The following SIM2 variants were observed in gnomAD, a reference collection of about 807,000 sequenced individuals.
SIM2 encodes the protein SIM bHLH transcription factor 2, also known as single-minded homolog 2.
Under a neutral mutation model 64.8 loss-of-function variants are expected in SIM2, and 28 were observed. The observed-to-expected ratio is 0.43, with a 90% confidence interval of 0.32 to 0.59. SIM2 has a LOEUF of 0.59. Among genes scored for constraint, SIM2 ranks in the 20% least tolerant of loss-of-function variants. SIM2 has a pLI of 0.07. For synonymous variants in SIM2, 408 were observed against 391.1 expected, an observed-to-expected ratio of 1.04 and a Z score of -0.51; for missense variants, 847 against 871.4, an observed-to-expected ratio of 0.97 and a Z score of 0.35.
At position 36,745,596 on chromosome 21, in the gene SIM2, T is replaced by C. The variant is rs886528511; in HGVS notation, c.1576+460T>C. On this transcript the variant is annotated intron_variant, in intron 10 of 10. Coordinates refer to ENST00000290399, the MANE Select transcript of SIM2 (RefSeq NM_005069.6). The surrounding 1 kb of genome is among the most constrained non-coding windows in gnomAD (Gnocchi z 4.8). ...AAGTGGGGAAAACTATGGTGGAAAT[T>C]TGTGGGCTTGGGGACAGAAATGCCA... is the stretch of plus-strand genomic sequence containing the variant. 3 of 1,120,066 alleles carry C rather than the reference T, an allele frequency of 2.7e-6. No individual in the cohort carries two copies. The highest frequency in any genetic ancestry group is 3.2e-5 in the African/African-American group (2 of 61,632). 69.4% of individuals were successfully genotyped at this position (1,120,066 alleles called of 1,614,324 possible).
chr21:36,746,717 G>T (rs747782797), intron 10 of SIM2, among the ~76,000 whole-genome samples: 1 of 152,108 alleles, frequency 6.6e-6, no homozygotes, highest in African/African-American at 2.4e-5. Context: ...TGAACATCTT[G>T]GGCCCCTCAT....
intron 1 of SIM2, among the ~76,000 whole-genome samples, chr21:36,705,688 C>T (rs138825897): frequency 3.9e-4 from 59 of 152,334 alleles, no homozygotes; most frequent in African/African-American, 1.4e-3. Context: ...AGGTGAGACC[C>T]CTGCACCCAG....
rs2089208230 is a variant in SIM2, at chr21:36,744,808, T to C, written c.1248T>C (p.Ala416=). 2 of 1,614,144 alleles carry C rather than the reference T, an allele frequency of 1.2e-6. No homozygotes were observed. Among genetic ancestry groups the C allele is most frequent in the Non-Finnish European group, 1.7e-6 (2 of 1,180,014 alleles). The change falls in exon 10 of 11, where the codon GCT becomes GCC. Residue 416 remains alanine (A), a synonymous_variant. Transcript: ENST00000290399. ...GAGCCAGTCCCCCTGCAAGCGCTGC[T>C]GCTCCTCCAGAACTGCAGCCCCACT... ...NWRASPPASA[A]APPELQPHSE... is the part of the protein sequence containing the mutation.
chr21:36,739,828 T>C lies in SIM2; in HGVS notation c.851-1889T>C, dbSNP rs113304508. On this transcript the variant is annotated intron_variant, in intron 7 of 10. Transcript: ENST00000290399. ...GGCAAGGTAGGCGGACCACTTGAGG[T>C]CAGGAGTTTGAGACCAGCCTGGCCA... is the stretch of plus-strand genomic sequence containing the variant. Among the ~76,000 whole-genome samples the C allele has an allele frequency of 8.4e-3, 1,276 of 151,782 alleles. 18 individuals carry two copies. Among genetic ancestry groups the C allele is most frequent in the African/African-American group, 0.029 (1,179 of 41,328 alleles).
Position 36,745,675 on chromosome 21 carries a change from T to C in SIM2, c.1576+539T>C. Reference sequence around the variant, plus strand: ...CCCTCCAGGCCTCAGTTTCTTCACCTGTAAAATGGGGTGAAGCTGTGATGT... The same window carrying C: ...CCCTCCAGGCCTCAGTTTCTTCACCCGTAAAATGGGGTGAAGCTGTGATGT... On this transcript the variant is annotated intron_variant, in intron 10 of 10. Coordinates refer to ENST00000290399, the MANE Select transcript of SIM2 (RefSeq NM_005069.6). This position sits in a 1 kb window ranked among gnomAD's most constrained non-coding sequence, Gnocchi z 4.8. 1 of 1,200,684 alleles carries C rather than the reference T, an allele frequency of 8.3e-7. No individual in the cohort carries two copies. The highest frequency in any genetic ancestry group is 6.1e-5 in the East Asian group (1 of 16,524). 74.4% of individuals were successfully genotyped at this position (1,200,684 alleles called of 1,614,324 possible). A position where few individuals can be genotyped will look rare whatever the true frequency, so the allele number is the denominator to read the frequency against.
At chr21:36,719,997 G>A in intron 4 of SIM2, 68 bp downstream of exon 4, 2 of 1,148,488 alleles carry the variant, frequency 1.7e-6, no homozygotes, top group Non-Finnish European at 2.6e-6. Context: ...TGGAACTCAG[G>A]GCTTTGCTTC....
At position 36,726,024 on chromosome 21, in the gene SIM2, A is replaced by C; in HGVS notation, c.544-95A>C. The C allele has an allele frequency of 1.0e-6, 1 of 1,004,854 alleles. No homozygotes were observed. 62.2% of individuals were successfully genotyped at this position (1,004,854 alleles called of 1,614,324 possible). ...ACAGTGGAGTAGAGGCTGGGCTGGG[A>C]GATATTCTAGCATGTTTGAGAAAAT... On this transcript the variant is annotated intron_variant, in intron 5 of 10. Coordinates refer to ENST00000290399, the MANE Select transcript of SIM2 (RefSeq NM_005069.6). This position sits in a 1 kb window ranked among gnomAD's most constrained non-coding sequence, Gnocchi z 4.5.
intron 6 of SIM2, among the ~76,000 whole-genome samples, chr21:36,730,033 G>A (rs2088944285): frequency 2.0e-5 from 3 of 152,162 alleles, no homozygotes; most frequent in Admixed American, 2.0e-4. Flanking sequence ...ATCTTAGGGC[G>A]TTATCCTGTC....
At chr21:36,736,385 A>G (rs898535421) in intron 7 of SIM2, among the ~76,000 whole-genome samples, 1 of 152,184 alleles carries the variant, frequency 6.6e-6, no homozygotes, top group Admixed American at 6.5e-5. Flanking sequence ...GATTGGAGGT[A>G]AGAGGTGGTG....
chr21:36,705,303 T>C (rs2088564638), intron 1 of SIM2, among the ~76,000 whole-genome samples: 1 of 152,202 alleles, frequency 6.6e-6, no homozygotes, highest in South Asian at 2.1e-4. Context: ...GCCACGCACA[T>C]ATCCTTCTTG....
At position 36,748,038 on chromosome 21, in the gene SIM2, C is replaced by A; in HGVS notation, c.1950C>A (p.Gly650=). 8.4e-7 allele frequency: 1 copy of A among 1,195,700 alleles called. No homozygotes were observed. The highest frequency in any genetic ancestry group is 3.5e-5 in the East Asian group (1 of 28,698). The allele number at this position is 1,195,700 out of a possible 1,614,324, so 74.1% of individuals were successfully genotyped here. The change falls in exon 11 of 11, where the codon GGC becomes GGA. Residue 650 remains glycine (G), a synonymous_variant. Transcript: ENST00000290399. ...HPSPAATSPP[G]APLPHYLGAS... ...GCCCCGCCGCCACCTCCCCGCCCGG[C>A]GCGCCCCTGCCGCACTACCTGGGCG...
rs2089253960 is a variant in SIM2, at chr21:36,747,903, G to A, written c.1815G>A (p.Val605=). ...LPFVLLNYHR[V]LARRGPLGGA... is the part of the protein sequence containing the mutation. ...TCGTGCTGCTCAACTACCACCGCGT[G>A]CTGGCCCGGCGCGGACCGCTGGGGG... is the stretch of plus-strand genomic sequence containing the variant. The change falls in exon 11 of 11, where the codon GTG becomes GTA. Residue 605 remains valine, a synonymous_variant. Transcript: ENST00000290399. The surrounding 1 kb of genome is among the most constrained non-coding windows in gnomAD (Gnocchi z 4.5). The A allele has an allele frequency of 1.9e-6, 2 of 1,068,512 alleles. No individual in the cohort carries two copies. The highest frequency in any genetic ancestry group is 2.5e-5 in the South Asian group (1 of 40,764). The allele number at this position is 1,068,512 out of a possible 1,614,324, so 66.2% of individuals were successfully genotyped here.
chr21:36,719,162 C>T (rs2088785937), intron 3 of SIM2, among the ~76,000 whole-genome samples: 1 of 152,264 alleles, frequency 6.6e-6, no homozygotes, highest in Admixed American at 6.5e-5. Flanking sequence ...CCCAGCCACA[C>T]CCCTGGGCGG....
intron 4 of SIM2, among the ~76,000 whole-genome samples, chr21:36,722,032 A>G (rs1396119440): frequency 6.6e-6 from 1 of 152,094 alleles, no homozygotes; most frequent in Non-Finnish European, 1.5e-5. Context: ...TTTTCTCCCC[A>G]GCTGCTCCCT....
In SIM2 at chr21:36,726,052, G is replaced by C. The variant is rs972515425; in HGVS notation, c.544-67G>C. ...TATTCTAGCATGTTTGAGAAAATGA[G>C]CCAGGAGGAGTGGGCTCCAGCCCAA... On this transcript the variant is annotated intron_variant, in intron 5 of 10. Coordinates refer to ENST00000290399, the MANE Select transcript of SIM2 (RefSeq NM_005069.6). This position sits in a 1 kb window ranked among gnomAD's most constrained non-coding sequence, Gnocchi z 4.5. 7.6e-6 allele frequency: 10 copies of C among 1,312,538 alleles called. No homozygotes were observed. In the African/African-American group the frequency reaches 1.4e-4, roughly 19 times the overall value. The allele number at this position is 1,312,538 out of a possible 1,614,324, so 81.3% of individuals were successfully genotyped here.
chr21:36,712,713 T>C (rs1406061370), intron 3 of SIM2, 91 bp downstream of exon 3: 1 of 830,088 alleles, frequency 1.2e-6, no homozygotes, highest in East Asian at 2.5e-5. Flanking sequence ...AATGAGTCTG[T>C]TTAAGTGTTT....
intron 8 of SIM2, among the ~76,000 whole-genome samples, chr21:36,742,400 C>CT (rs778507395): frequency 0.064 from 9,259 of 144,702 alleles, 448 homozygotes; most frequent in African/African-American, 0.14. Flanking sequence ...TCGCAAATGC[C>CT]TTTTTTTTTT....
At chr21:36,723,528 C>T (rs117057361) in intron 5 of SIM2, among the ~76,000 whole-genome samples, 1 of 152,350 alleles carries the variant, frequency 6.6e-6, no homozygotes, top group Non-Finnish European at 1.5e-5. Context: ...CACCAAGTTC[C>T]CTGCCGCCGA....
chr21:36,706,580 G>C (rs2088586861), intron 1 of SIM2, among the ~76,000 whole-genome samples: 1 of 152,216 alleles, frequency 6.6e-6, no homozygotes, highest in Non-Finnish European at 1.5e-5. Context: ...TCGTGGGAGT[G>C]TATATCACTT....
Sources: gnomAD v4.1 joint callset for allele counts (sites outside exome capture counted in the v4.1 genomes callset) on GRCh38, gnomAD v4.1.1 for gene constraint, Gnocchi (gnomAD v3.1) non-coding constraint, MANE v1.5 for transcripts, NCBI Gene and HGNC (gene_info 2026-07-23, HGNC 2026-07-21) for gene names.